The following ARMC8 variants were observed in gnomAD, a reference collection of about 807,000 sequenced individuals.
The protein encoded by ARMC8 is armadillo repeat-containing protein 8.
Under a neutral mutation model 99.3 loss-of-function variants are expected in ARMC8, and 20 were observed. The ratio of observed to expected loss-of-function variants is 0.20; its 90% CI spans 0.14 to 0.29. The LOEUF is 0.29. Ranked by LOEUF, ARMC8 falls within the 10% of genes least tolerant of loss-of-function variation. The probability of loss-of-function intolerance (pLI) is 1.00; values close to 1 mark genes in which losing one functional copy is unlikely to be tolerated. For missense variants in ARMC8, 569 were observed against 809.5 expected (o/e 0.70, Z 3.60); for synonymous variants, 263 against 278.3 (o/e 0.95, Z 0.55).
chr3:138,262,484 T>C, intron 12 of ARMC8: 1 of 1,577,688 alleles, frequency 6.3e-7, no homozygotes, highest in Non-Finnish European at 8.6e-7. Flanking sequence ...GGCTGAAACA[T>C]CCTGAGGTTT....
At chr3:138,284,402 CT>C in intron 18 of ARMC8, 28 bp from the exon 19 acceptor site, 1 of 1,571,372 alleles carries the variant, frequency 6.4e-7, no homozygotes, top group Non-Finnish European at 8.8e-7. Context: ...CAGAGCTTTC[CT>C]GACTGTTGGC....
At chr3:138,196,229 C>T (rs2043729246) in intron 1 of ARMC8, among the ~76,000 whole-genome samples, 1 of 152,044 alleles carries the variant, frequency 6.6e-6, no homozygotes, top group Admixed American at 6.6e-5. Flanking sequence ...GGATTTATGC[C>T]TTTTTGGCCA....
At chr3:138,203,576 G>A (rs2044196697) in intron 1 of ARMC8, among the ~76,000 whole-genome samples, 1 of 152,150 alleles carries the variant, frequency 6.6e-6, no homozygotes, top group Non-Finnish European at 1.5e-5. Flanking sequence ...AAAAGGGAGG[G>A]GGCAGGGAGA....
chr3:138,206,368 G>C (rs554939416), intron 1 of ARMC8, among the ~76,000 whole-genome samples: 1 of 152,306 alleles, frequency 6.6e-6, no homozygotes, highest in African/African-American at 2.4e-5. Context: ...TTACTGGACA[G>C]TGCAGCTCTT....
At chr3:138,228,768 G>C in intron 5 of ARMC8, 150 bp from the exon 6 acceptor site, 1 of 591,934 alleles carries the variant, frequency 1.7e-6, no homozygotes, top group Non-Finnish European at 3.2e-6. Context: ...TCATGGCCTC[G>C]TTGCTTTTGT....
At chr3:138,223,014 A>G (rs1382729171) in intron 3 of ARMC8, among the ~76,000 whole-genome samples, 1 of 152,196 alleles carries the variant, frequency 6.6e-6, no homozygotes, top group Non-Finnish European at 1.5e-5. Flanking sequence ...TCAGAGCAGT[A>G]GCATTTCTAG....
At chr3:138,275,538 G>A (rs1383022201) in intron 18 of ARMC8, among the ~76,000 whole-genome samples, 6 of 152,106 alleles carry the variant, frequency 3.9e-5, no homozygotes, top group African/African-American at 1.2e-4. Context: ...CGACCTGGGC[G>A]GAAGAGCGAG....
At chr3:138,264,056 TA>T in intron 13 of ARMC8, 74 bp from the exon 14 acceptor site, 1 of 1,391,276 alleles carries the variant, frequency 7.2e-7, no homozygotes, top group South Asian at 1.2e-5. Context: ...TTAGTCATTG[TA>T]AAATGCCAGC....
chr3:138,283,855 C>G (rs1008860575), intron 18 of ARMC8, among the ~76,000 whole-genome samples: 3 of 152,184 alleles, frequency 2.0e-5, no homozygotes, highest in East Asian at 3.8e-4. Flanking sequence ...CATTTTACTT[C>G]TTTTCTCTTC....
intron 11 of ARMC8, among the ~76,000 whole-genome samples, chr3:138,242,601 A>G (rs1240551033): frequency 6.6e-6 from 1 of 152,168 alleles, no homozygotes; most frequent in Non-Finnish European, 1.5e-5. Flanking sequence ...CCATTTCTTT[A>G]AGCATAGGAG....
intron 1 of ARMC8, among the ~76,000 whole-genome samples, chr3:138,202,622 G>T (rs919277563): frequency 6.6e-6 from 1 of 152,170 alleles, no homozygotes; most frequent in Non-Finnish European, 1.5e-5. Flanking sequence ...TATTATTAAA[G>T]AAACAGTCTC....
intron 1 of ARMC8, among the ~76,000 whole-genome samples, chr3:138,190,382 G>A (rs2043316944): frequency 6.6e-6 from 1 of 151,170 alleles, no homozygotes. Flanking sequence ...CGCCTCCGGG[G>A]TTCAAGCGAT....
chr3:138,217,741 A>T (rs1214530320), intron 2 of ARMC8, among the ~76,000 whole-genome samples: 3 of 150,682 alleles, frequency 2.0e-5, no homozygotes, highest in Admixed American at 1.3e-4. Flanking sequence ...CACTCCCCAA[A>T]AGTGGGATAT....
chr3:138,226,497 T>C (rs1353012360), intron 5 of ARMC8, among the ~76,000 whole-genome samples: 1 of 152,202 alleles, frequency 6.6e-6, no homozygotes, highest in Non-Finnish European at 1.5e-5. Context: ...TCTAACAAAT[T>C]TGCAGGTAAC....
intron 1 of ARMC8, 66 bp from the exon 2 acceptor site, chr3:138,209,751 G>A: frequency 7.8e-7 from 1 of 1,277,692 alleles, no homozygotes; most frequent in Non-Finnish European, 1.1e-6. Flanking sequence ...TTGATATTGT[G>A]GGTGATGCTG....
Position 138,232,407 on chromosome 3 carries a change from C to A in ARMC8, c.529-2627C>A, listed in dbSNP as rs369468323. ...AAAAAGTAAGGTATCTTGTCAGCAC[C>A]AGGGAACAATTATATATAGAGAGAA... On this transcript the variant is annotated intron_variant, in intron 6 of 21. Transcript: ENST00000469044. Among the ~76,000 whole-genome samples the A allele has an allele frequency of 4.6e-5, 7 of 152,216 alleles. No homozygotes were observed. In the South Asian group the frequency reaches 1.0e-3, roughly 23 times the overall value.
intron 10 of ARMC8, among the ~76,000 whole-genome samples, chr3:138,240,849 G>A (rs1240586011): frequency 2.0e-5 from 3 of 152,028 alleles, no homozygotes; most frequent in Non-Finnish European, 4.4e-5. Flanking sequence ...AATGTCGTTC[G>A]AGACCAGCCT....
intron 2 of ARMC8, among the ~76,000 whole-genome samples, chr3:138,217,696 T>C (rs1174764243): frequency 6.6e-6 from 1 of 152,238 alleles, no homozygotes; most frequent in Non-Finnish European, 1.5e-5. Flanking sequence ...AACAAATGCA[T>C]GTTTGTAACA....
At chr3:138,269,936 G>T in intron 15 of ARMC8, 104 bp from the exon 16 acceptor site, 1 of 535,668 alleles carries the variant, frequency 1.9e-6, no homozygotes, top group South Asian at 2.9e-5. Flanking sequence ...GCCTGGAATT[G>T]AGTAAGAGTG....
Sources: allele counts gnomAD v4.1 joint callset (sites outside exome capture counted in the v4.1 genomes callset), GRCh38; gene constraint gnomAD v4.1.1; transcripts MANE v1.5; gene names NCBI Gene and HGNC (gene_info 2026-07-23, HGNC 2026-07-21).